KATNIP: variants seen among roughly 807,000 people sequenced by gnomAD.
The protein encoded by KATNIP is katanin-interacting protein.
In KATNIP, 126 loss-of-function variants were observed where a neutral mutation model predicts 174.0. The observed-to-expected ratio is 0.72, with a 90% CI of 0.63 to 0.84. The LOEUF is 0.84. Ranked by LOEUF, KATNIP falls within the 40% of genes least tolerant of loss-of-function variation. The pLI is 0.00. For missense variants in KATNIP, 1,958 were observed against 2,109.7 expected, an observed-to-expected ratio of 0.93 and a Z score of 1.41; for synonymous variants, 810 against 835.7, an observed-to-expected ratio of 0.97 and a Z score of 0.53.
chr16:27,568,479 T>TTC (rs1039197314), intron 1 of KATNIP, among the ~76,000 whole-genome samples: 3 of 152,066 alleles, frequency 2.0e-5, no homozygotes, highest in African/African-American at 7.2e-5. Flanking sequence ...AATAAGTTTT[T>TTC]TTTTTTGAGA....
intron 1 of KATNIP, among the ~76,000 whole-genome samples, chr16:27,561,043 G>T (rs528293131): frequency 6.6e-6 from 1 of 150,708 alleles, no homozygotes; most frequent in Admixed American, 6.6e-5. Context: ...ACAGAGTCTC[G>T]CTGTGTCACC....
chr16:27,721,076 T>G (rs1420832667), intron 13 of KATNIP, among the ~76,000 whole-genome samples: 1 of 152,222 alleles, frequency 6.6e-6, no homozygotes, highest in African/African-American at 2.4e-5. Context: ...CTCAGTGCCC[T>G]GGCCCTGGCC....
At chr16:27,577,274 G>T (rs1484817372) in intron 2 of KATNIP, among the ~76,000 whole-genome samples, 1 of 152,216 alleles carries the variant, frequency 6.6e-6, no homozygotes, top group African/African-American at 2.4e-5. Flanking sequence ...GAGTGTGGTG[G>T]CTCACGCCTG....
At chr16:27,670,259 T>C (rs1217726848) in intron 6 of KATNIP, among the ~76,000 whole-genome samples, 1 of 152,218 alleles carries the variant, frequency 6.6e-6, no homozygotes, top group African/African-American at 2.4e-5. Flanking sequence ...TGCCCTCTCC[T>C]GATTTTTGTT....
At chr16:27,559,299 T>A (rs752018563) in intron 1 of KATNIP, among the ~76,000 whole-genome samples, 87 of 152,202 alleles carry the variant, frequency 5.7e-4, no homozygotes, top group Non-Finnish European at 1.6e-4. Flanking sequence ...CAGTCTCATC[T>A]TTTTAGACAC....
intron 1 of KATNIP, among the ~76,000 whole-genome samples, chr16:27,563,612 G>A (rs1381878656): frequency 6.6e-6 from 1 of 152,156 alleles, no homozygotes; most frequent in Non-Finnish European, 1.5e-5. Context: ...GCAGAGCCTG[G>A]TCAGAATGAG....
rs1597397190 is a variant in KATNIP, at chr16:27,761,491, A to G, written c.3710A>G (p.Glu1237Gly). ...ACTGGCCTGGAAGTGGTGGGCAAGG[A>G]GGGCCAGGCGCTGCCCATCCACCTG... Reference protein sequence around the residue: ...GLTGLEVVGKEGQALPIHLHQ... With the variant: ...GLTGLEVVGKGGQALPIHLHQ... Residue 1237 changes from glutamate to glycine, a missense_variant, in exon 19 of 28, where the codon GAG becomes GGG. Around this residue, in one of 3 missense-constraint regions of KATNIP, gnomAD observed 1,557 missense variants for 1,617.8 expected, o/e 0.96. Transcript: ENST00000261588. The G allele has an allele frequency of 6.2e-7, 1 of 1,614,088 alleles. No homozygotes were observed. Among genetic ancestry groups the G allele is most frequent in the East Asian group, 2.2e-5 (1 of 44,874 alleles).
At chr16:27,636,711 T>A (rs576348728) in intron 5 of KATNIP, among the ~76,000 whole-genome samples, 1 of 152,166 alleles carries the variant, frequency 6.6e-6, no homozygotes, top group Non-Finnish European at 1.5e-5. Flanking sequence ...CGGAGCTGGC[T>A]GTGTAGCCTC....
intron 2 of KATNIP, among the ~76,000 whole-genome samples, chr16:27,595,234 A>G (rs374841802): frequency 1.6e-4 from 24 of 152,288 alleles, no homozygotes; most frequent in Non-Finnish European, 1.3e-4. Flanking sequence ...AAGTACAGAA[A>G]AAGTTAGCTG....
chr16:27,616,493 A>G (rs1252444563), intron 2 of KATNIP, among the ~76,000 whole-genome samples: 1 of 152,210 alleles, frequency 6.6e-6, no homozygotes, highest in Non-Finnish European at 1.5e-5. Flanking sequence ...TGGGAGGCCA[A>G]GGCAGGCAGA....
Position 27,739,979 on chromosome 16 carries a change from C to T in KATNIP, c.1744-62C>T, listed in dbSNP as rs539093006. The T allele has an allele frequency of 1.2e-5, 18 of 1,526,110 alleles. No homozygotes were observed. In the African/African-American group the frequency reaches 2.1e-4, roughly 18 times the overall value. The allele number at this position is 1,526,110 out of a possible 1,614,324, so 94.5% of individuals were successfully genotyped here. A position where few individuals can be genotyped will look rare whatever the true frequency, so the allele number is the denominator to read the frequency against. On this transcript the variant is annotated intron_variant, in intron 14 of 27. Transcript: ENST00000261588. ...TTCTTTTTTTGGTATCTTCGACTTC[C>T]AAAATTTCATACATCAGTCTGATGC...
At position 27,648,755 on chromosome 16, in the gene KATNIP, T is replaced by G. The variant is rs2077035371; in HGVS notation, c.540+20T>G. ...CCGCAGGTAGGGATGGCCTTGGCCTTGTGCTCGGGACACCTGAAGGACGGC... is the reference window on the plus strand; with the variant it reads ...CCGCAGGTAGGGATGGCCTTGGCCTGGTGCTCGGGACACCTGAAGGACGGC... On this transcript the variant is annotated intron_variant, in intron 6 of 27. Transcript: ENST00000261588. 6.2e-7 allele frequency: 1 copy of G among 1,609,774 alleles called. No individual in the cohort carries two copies. The highest frequency in any genetic ancestry group is 8.5e-7 in the Non-Finnish European group (1 of 1,178,154).
chr16:27,753,712 C>CCCTT lies in KATNIP; in HGVS notation c.3553-442_3553-439dup, dbSNP rs1004853590. On this transcript the variant is annotated intron_variant, in intron 17 of 27. Coordinates refer to ENST00000261588, the MANE Select transcript of KATNIP (RefSeq NM_015202.5). Reference sequence around the variant, plus strand: ...TCTATGGTTTGAATTCTTCCACTTCCCCTTCCTTCCTTCCTTCCTTCCCTC... The same window carrying CCCTT: ...TCTATGGTTTGAATTCTTCCACTTCCCCTTCCTTCCTTCCTTCCTTCCTTCCCTC... 2.2e-3 allele frequency among the ~76,000 whole-genome samples: 335 copies of CCCTT among 151,236 alleles called. 1 individual carries two copies. The highest frequency in any genetic ancestry group is 6.3e-3 in the African/African-American group (258 of 41,154).
At chr16:27,690,519 G>A (rs2078694659) in intron 8 of KATNIP, among the ~76,000 whole-genome samples, 1 of 152,178 alleles carries the variant, frequency 6.6e-6, no homozygotes, top group Admixed American at 6.5e-5. Flanking sequence ...GGAATTCGTG[G>A]CCACTTGTTG....
intron 2 of KATNIP, among the ~76,000 whole-genome samples, chr16:27,598,812 A>G (rs1468452293): frequency 6.6e-6 from 1 of 152,100 alleles, no homozygotes; most frequent in African/African-American, 2.4e-5. Context: ...GACACCTGTG[A>G]GGGGTAAGGG....
intron 13 of KATNIP, among the ~76,000 whole-genome samples, chr16:27,715,513 A>G (rs1296569938): frequency 6.6e-6 from 1 of 152,188 alleles, no homozygotes. Context: ...ACAACCTACA[A>G]AAGGGAGAAA....
At chr16:27,769,027 G>A (rs1012275154) in intron 20 of KATNIP, among the ~76,000 whole-genome samples, 4 of 152,250 alleles carry the variant, frequency 2.6e-5, no homozygotes, top group Admixed American at 6.5e-5. Flanking sequence ...TGGCTGGGCC[G>A]CCTCAGACTC....
intron 18 of KATNIP, among the ~76,000 whole-genome samples, chr16:27,756,485 G>C (rs935066544): frequency 6.6e-6 from 1 of 152,180 alleles, no homozygotes; most frequent in Non-Finnish European, 1.5e-5. Flanking sequence ...AAGGTCACAC[G>C]GCCAGTACGG....
intron 14 of KATNIP, among the ~76,000 whole-genome samples, chr16:27,725,240 C>G (rs1331541390): frequency 6.6e-6 from 1 of 152,184 alleles, no homozygotes; most frequent in Non-Finnish European, 1.5e-5. Context: ...TCTCAATTAA[C>G]CCCCAGTGAT....
Sources: allele counts gnomAD v4.1 joint callset (sites outside exome capture counted in the v4.1 genomes callset), GRCh38; gene constraint gnomAD v4.1.1; regional missense constraint gnomAD v4.1.1; transcripts MANE v1.5; gene names NCBI Gene and HGNC (gene_info 2026-07-23, HGNC 2026-07-21).